Variants in LUC7L observed in about 807,000 individuals in gnomAD.
LUC7L encodes the protein LUC7 like.
LUC7L carries 29 observed loss-of-function variants against 51.1 expected under a neutral mutation model. The observed-to-expected ratio is 0.57, with a 90% CI of 0.42 to 0.77. LUC7L has a LOEUF of 0.77. LUC7L is among the 30% of genes least tolerant of loss of function. The pLI is 0.00. For synonymous variants in LUC7L, 181 were observed against 180.7 expected (o/e 1.00, Z -0.01); for missense variants, 403 against 511.9 (o/e 0.79, Z 2.05).
chr16:223,161 C>T (rs1481580225), intron 2 of LUC7L, among the ~76,000 whole-genome samples: 1 of 150,970 alleles, frequency 6.6e-6, no homozygotes, highest in African/African-American at 2.4e-5. Context: ...AGATCAAGAC[C>T]ATCCTGGCCA....
At chr16:207,518 C>T (rs574008070) in intron 4 of LUC7L, among the ~76,000 whole-genome samples, 162 of 152,004 alleles carry the variant, frequency 1.1e-3, no homozygotes, top group Non-Finnish European at 1.1e-3. Flanking sequence ...CCAAACTCAG[C>T]GAAGAATATA....
intron 3 of LUC7L, among the ~76,000 whole-genome samples, chr16:216,051 C>T (rs1413605281): frequency 3.3e-5 from 5 of 152,006 alleles, no homozygotes; most frequent in Admixed American, 3.3e-4. Flanking sequence ...GCCCAGGCTA[C>T]AGTGCAATGG....
chr16:221,027 CT>C (rs902315446), intron 2 of LUC7L, among the ~76,000 whole-genome samples: 2 of 151,966 alleles, frequency 1.3e-5, no homozygotes, highest in Admixed American at 6.6e-5. Flanking sequence ...CATTAATTGG[CT>C]TTTGCCAGTT....
chr16:225,386 T>C (rs973382294), intron 2 of LUC7L, among the ~76,000 whole-genome samples: 1 of 151,092 alleles, frequency 6.6e-6, no homozygotes, highest in East Asian at 2.0e-4. Context: ...CTCGGGAGGC[T>C]GAGGCAAGAG....
At chr16:198,852 A>G (rs1174418131) in intron 6 of LUC7L, among the ~76,000 whole-genome samples, 3 of 151,840 alleles carry the variant, frequency 2.0e-5, no homozygotes, top group Non-Finnish European at 4.4e-5. Flanking sequence ...ACACCTGGCT[A>G]ATTTTTCGGT....
chr16:228,616 G>A (rs371638177), intron 1 of LUC7L: 2 of 1,186,092 alleles, frequency 1.7e-6, no homozygotes, highest in East Asian at 1.2e-4. Context: ...AACCACAGCA[G>A]GTATATAGTT....
intron 4 of LUC7L, 37 bp downstream of exon 4, chr16:208,041 T>G: frequency 6.9e-7 from 1 of 1,457,502 alleles, no homozygotes; most frequent in South Asian, 1.2e-5. Flanking sequence ...CCAGTATTTT[T>G]AAGAACACAC....
At chr16:209,846 CA>C (rs2049590597) in intron 3 of LUC7L, 1 of 151,936 alleles carries the variant, frequency 6.6e-6, no homozygotes, top group Non-Finnish European at 1.5e-5. Context: ...ATATTTTTTT[CA>C]AAAACATGCA....
chr16:189,870 C>A, intron 9 of LUC7L, 98 bp downstream of exon 9: 1 of 1,523,378 alleles, frequency 6.6e-7, no homozygotes, highest in East Asian at 2.3e-5. Flanking sequence ...AGGGTGAGCC[C>A]AGCCCCATCC....
At chr16:215,147 C>A (rs1191363033) in intron 3 of LUC7L, among the ~76,000 whole-genome samples, 1 of 152,108 alleles carries the variant, frequency 6.6e-6, no homozygotes, top group Non-Finnish European at 1.5e-5. Flanking sequence ...TTCACATATC[C>A]TTAAGACACA....
At chr16:192,785 G>A in intron 7 of LUC7L, 142 bp downstream of exon 7, 1 of 739,782 alleles carries the variant, frequency 1.4e-6, no homozygotes, top group Non-Finnish European at 2.3e-6. Context: ...TTACAGGCGT[G>A]AGCCGCCAGG....
chr16:225,533 C>A (rs1471189520), intron 2 of LUC7L, among the ~76,000 whole-genome samples: 1 of 131,698 alleles, frequency 7.6e-6, no homozygotes, highest in Non-Finnish European at 1.6e-5. Flanking sequence ...GTTGCCCAGG[C>A]TGGAGTGCAA....
rs200764316 is a variant in LUC7L, at chr16:190,055, C to T, written c.887G>A (p.Arg296Gln). 13 of 1,613,538 alleles carry T rather than the reference C, an allele frequency of 8.1e-6. No individual in the cohort carries two copies. Among genetic ancestry groups the T allele is most frequent in the African/African-American group, 8.0e-5 (6 of 74,978 alleles). The change falls in exon 9 of 10, where the codon CGA (arginine) becomes CAA (glutamine). Residue 296 changes from arginine (R) to glutamine (Q), a missense_variant. Arg to Gln is a conservative substitution (Grantham distance 43). Transcript: ENST00000293872. ...ERRKLSRSRS[R>Q]DRHRRHRSRS... ...GCTGCGGTGGCGCCGATGTCTATCT[C>T]GGGACCGGGACCGGGACAATTTCCG... is the stretch of plus-strand genomic sequence containing the variant.
intron 3 of LUC7L, chr16:209,743 C>G (rs1354706852): frequency 6.6e-6 from 1 of 152,178 alleles, no homozygotes; most frequent in Non-Finnish European, 1.5e-5. Context: ...GCTCCTAAAA[C>G]AGACAGGAGA....
At position 215,555 on chromosome 16, in the gene LUC7L, G is replaced by A. The variant is rs577945677; in HGVS notation, c.255+5094C>T. ...GAGTTGCTTGAACCCGGCAGGCGGA[G>A]GTTGCAGTGAGCCGAGATCATCGCG... On this transcript the variant is annotated intron_variant, in intron 3 of 9. Coordinates refer to ENST00000293872, the MANE Select transcript of LUC7L (RefSeq NM_201412.3). Among the ~76,000 whole-genome samples, 18 of 151,952 alleles carry A rather than the reference G, an allele frequency of 1.2e-4. No individual in the cohort carries two copies. In the South Asian group the frequency reaches 3.7e-3, roughly 32 times the overall value.
chr16:195,109 T>C (rs1287906824), intron 6 of LUC7L, among the ~76,000 whole-genome samples: 2 of 152,172 alleles, frequency 1.3e-5, no homozygotes, highest in Non-Finnish European at 1.5e-5. Flanking sequence ...CACACATGGA[T>C]GGACACCTTT....
At chr16:217,160 G>A (rs2049826051) in intron 3 of LUC7L, among the ~76,000 whole-genome samples, 1 of 152,000 alleles carries the variant, frequency 6.6e-6, no homozygotes, top group Non-Finnish European at 1.5e-5. Flanking sequence ...GGGATTAGAG[G>A]ACAGCACCAC....
intron 5 of LUC7L, among the ~76,000 whole-genome samples, chr16:201,584 C>A (rs200985120): frequency 6.6e-6 from 1 of 152,078 alleles, no homozygotes; most frequent in South Asian, 2.1e-4. Flanking sequence ...GGACTACAAG[C>A]GCACGCCGCC....
intron 5 of LUC7L, among the ~76,000 whole-genome samples, chr16:203,484 A>G (rs2049390231): frequency 6.6e-6 from 1 of 152,120 alleles, no homozygotes; most frequent in Non-Finnish European, 1.5e-5. Flanking sequence ...AGCTAGGCAG[A>G]TCGCTTGAGC....
Sources: gnomAD v4.1 joint callset for allele counts (sites outside exome capture counted in the v4.1 genomes callset) on GRCh38, gnomAD v4.1.1 for gene constraint, MANE v1.5 for transcripts, NCBI Gene and HGNC (gene_info 2026-07-23, HGNC 2026-07-21) for gene names.